ERCC2: variants seen among roughly 807,000 people sequenced by gnomAD.
ERCC2 encodes ERCC excision repair 2, TFIIH core complex helicase subunit.
ERCC2 carries 90 observed loss-of-function variants against 99.4 expected under a neutral mutation model. The ratio of observed to expected loss-of-function variants is 0.91; its 90% CI spans 0.76 to 1.08. The LOEUF (loss-of-function observed/expected upper bound fraction) is 1.08, where lower values mean the gene tolerates loss of function less well. Among genes scored for constraint, ERCC2 ranks in the 50% least tolerant of loss-of-function variants. The probability of loss-of-function intolerance (pLI) is 0.00; values close to 1 mark genes in which losing one functional copy is unlikely to be tolerated. For synonymous variants in ERCC2, 497 were observed against 432.4 expected, an observed-to-expected ratio of 1.15 and a Z score of -1.85; for missense variants, 993 against 1,038.1, an observed-to-expected ratio of 0.96 and a Z score of 0.60.
At position 45,355,678 on chromosome 19, in the gene ERCC2, G is replaced by T. The variant is rs1417356959; in HGVS notation, c.1530C>A (p.Thr510=). The T allele has an allele frequency of 6.2e-7, 1 of 1,614,088 alleles. No homozygotes were observed. Among genetic ancestry groups the T allele is most frequent in the South Asian group, 1.1e-5 (1 of 91,072 alleles). Residue 510 remains threonine (T), a synonymous_variant, in exon 16 of 23, where the codon ACC becomes ACA. Transcript: ENST00000391945. ...CTGGCAGCATACCAATATCCTCCCGGGTCTCAAATTTGGAGCTGATGGCCA... is the reference window on the plus strand; with the variant it reads ...CTGGCAGCATACCAATATCCTCCCGTGTCTCAAATTTGGAGCTGATGGCCA... ...DQVAISSKFE[T]REDIAVIRNY... is the part of the protein sequence containing the mutation.
intron 12 of ERCC2, among the ~76,000 whole-genome samples, chr19:45,359,267 T>C (rs1003148380): frequency 6.6e-6 from 1 of 152,064 alleles, no homozygotes; most frequent in Non-Finnish European, 1.5e-5. Flanking sequence ...CCATGAGGTG[T>C]TGGCAGATGG....
intron 22 of ERCC2, among the ~76,000 whole-genome samples, 167 bp downstream of exon 22, chr19:45,352,042 T>G (rs1971815208): frequency 6.6e-6 from 1 of 152,010 alleles, no homozygotes; most frequent in South Asian, 2.1e-4. Flanking sequence ...GCCCCTCGAA[T>G]CTCCCCCTTC....
chr19:45,355,806 G>T, intron 15 of ERCC2, 78 bp from the exon 16 acceptor site: 444 of 838,820 alleles, frequency 5.3e-4, no homozygotes, highest in Non-Finnish European at 7.5e-4. Flanking sequence ...TGCTGGTGCT[G>T]TTCTAAGCTT....
intron 5 of ERCC2, among the ~76,000 whole-genome samples, chr19:45,366,326 G>C (rs1272771511): frequency 2.0e-5 from 3 of 151,986 alleles, no homozygotes; most frequent in African/African-American, 7.2e-5. Flanking sequence ...CTTTTTAGTA[G>C]AGACAGGGTT....
chr19:45,360,298 G>A (rs935367248), intron 12 of ERCC2, among the ~76,000 whole-genome samples: 17 of 150,794 alleles, frequency 1.1e-4, no homozygotes, highest in African/African-American at 3.7e-4. Flanking sequence ...TAGCCAGGAT[G>A]GTCTTGATCT....
chr19:45,358,693 C>A, intron 12 of ERCC2: 1 of 664,448 alleles, frequency 1.5e-6, no homozygotes, highest in Non-Finnish European at 2.8e-6. Flanking sequence ...GCTCAAAAGT[C>A]AGCCCCTCCG....
At chr19:45,358,039 T>C in intron 12 of ERCC2, 1 of 436,818 alleles carries the variant, frequency 2.3e-6, no homozygotes, top group Non-Finnish European at 4.3e-6. Context: ...CTTTCTCCCA[T>C]GACCTTTTCT....
chr19:45,367,364 TATATACAC>T (rs755598954), intron 5 of ERCC2, among the ~76,000 whole-genome samples: 5,506 of 102,126 alleles, frequency 0.054, 88 homozygotes, highest in Middle Eastern at 0.14. Flanking sequence ...AATATATATA[TATATACAC>T]ACACACACAC....
rs537420436 is a variant in ERCC2 at position 45,350,234 on chromosome 19, C to T, written c.*1395G>A. ...GCTAGGAGTTCAAGACCAGCCTGGG[C>T]AACATACCAAGACCCCTGTCTCTAC... On this transcript the variant is annotated 3_prime_UTR_variant, in exon 23 of 23. Transcript: ENST00000391945. 3 of 787,728 alleles carry T rather than the reference C, an allele frequency of 3.8e-6. No homozygotes were observed. The highest frequency in any genetic ancestry group is 1.7e-5 in the South Asian group (1 of 59,586). 48.8% of individuals were successfully genotyped at this position (787,728 alleles called of 1,614,324 possible). A position where few individuals can be genotyped will look rare whatever the true frequency, so the allele number is the denominator to read the frequency against.
chr19:45,369,181 G>C lies in ERCC2; in HGVS notation c.106-34C>G, dbSNP rs371392035. 176 of 1,584,052 alleles carry C rather than the reference G, an allele frequency of 1.1e-4. 2 individuals are homozygous for C. The highest frequency in any genetic ancestry group is 1.5e-4 in the Non-Finnish European group (169 of 1,152,778). On this transcript the variant is annotated intron_variant, in intron 2 of 22. Transcript: ENST00000391945. The stretch of plus-strand genomic sequence containing the variant: ...TGGGGACCAGAGGGGCAACACACAG[G>C]GTCTCAGAACCTTGGGCACACAAAC...
rs1290970152 is a variant in ERCC2 at position 45,351,446 on chromosome 19, G to A, written c.*183C>T. ...GTGAGAGGGGGTCTATCATCTCCTG[G>A]CCCCCCCTTGCCTCTGGGTACCTGG... On this transcript the variant is annotated 3_prime_UTR_variant, in exon 23 of 23. Transcript: ENST00000391945. 1.9e-6 allele frequency: 3 copies of A among 1,582,418 alleles called. No homozygotes were observed. Among genetic ancestry groups the A allele is most frequent in the Admixed American group, 3.4e-5 (2 of 58,850 alleles).
At position 45,352,575 on chromosome 19, in the gene ERCC2, G is replaced by A. The variant is rs548627882; in HGVS notation, c.1977C>T (p.His659=). ...NDFLTFDAMR[H]AAQCVGRAIR... ...TGGCCCGACCCACACACTGGGCCGC[G>A]TGGCGCATGGCATCGAAGGTAAGAA... Residue 659 remains histidine (H), a synonymous_variant, in exon 21 of 23, where the codon CAC becomes CAT. Coordinates refer to ENST00000391945, the MANE Select transcript of ERCC2 (RefSeq NM_000400.4). The A allele has an allele frequency of 1.6e-5, 26 of 1,614,088 alleles. No individual in the cohort carries two copies. Among genetic ancestry groups the A allele is most frequent in the South Asian group, 4.4e-5 (4 of 91,088 alleles).
At chr19:45,354,394 C>A (rs1387987495) in intron 17 of ERCC2, among the ~76,000 whole-genome samples, 4 of 152,196 alleles carry the variant, frequency 2.6e-5, no homozygotes, top group Non-Finnish European at 4.4e-5. Flanking sequence ...TCTGGGCCTC[C>A]CCACCAGGCC....
At chr19:45,352,135 G>A (rs1485416133) in intron 22 of ERCC2, 74 bp downstream of exon 22, 12 of 1,528,806 alleles carry the variant, frequency 7.8e-6, no homozygotes, top group South Asian at 1.1e-5. Flanking sequence ...GTGGGGAGTG[G>A]GGAGAATCCA....
At chr19:45,364,210 C>T in intron 9 of ERCC2, 25 bp downstream of exon 9, 1 of 1,612,194 alleles carries the variant, frequency 6.2e-7, no homozygotes, top group Non-Finnish European at 8.5e-7. Flanking sequence ...GGGCGGGCAC[C>T]ACCGCCAGAC....
chr19:45,352,119 C>T, intron 22 of ERCC2, 90 bp downstream of exon 22: 1 of 1,426,238 alleles, frequency 7.0e-7, no homozygotes, highest in East Asian at 2.4e-5. Context: ...GACAGGCAGG[C>T]TGAGGGTGGG....
chr19:45,354,567 TG>T (rs1293537200), intron 17 of ERCC2, among the ~76,000 whole-genome samples, 162 bp downstream of exon 17: 2 of 152,120 alleles, frequency 1.3e-5, no homozygotes, highest in Non-Finnish European at 2.9e-5. Context: ...GGGCGGGGCA[TG>T]GGGGTGTGTG....
intron 12 of ERCC2, chr19:45,358,829 T>C (rs756161913): frequency 1.3e-6 from 1 of 780,806 alleles, no homozygotes; most frequent in Admixed American, 1.7e-5. Flanking sequence ...TTGCTACTGG[T>C]TTTCCCATCT....
chr19:45,369,170 G>A (rs1428014657), intron 2 of ERCC2, 23 bp from the exon 3 acceptor site: 1 of 1,601,038 alleles, frequency 6.2e-7, no homozygotes, highest in Admixed American at 1.7e-5. Context: ...GACCAGAGGG[G>A]CAACACACAG....
Sources: gnomAD v4.1 joint callset for allele counts (sites outside exome capture counted in the v4.1 genomes callset) on GRCh38, gnomAD v4.1.1 for gene constraint, MANE v1.5 for transcripts, NCBI Gene and HGNC (gene_info 2026-07-23, HGNC 2026-07-21) for gene names.